GRIN2B: variants seen among roughly 807,000 people sequenced by gnomAD.
GRIN2B encodes the protein glutamate ionotropic receptor NMDA type subunit 2B.
A neutral mutation model predicts 114.5 loss-of-function variants in GRIN2B; 5 were observed. The ratio of observed to expected loss-of-function variants is 0.04; its 90% CI spans 0.02 to 0.09. The LOEUF is 0.09. Among genes scored for constraint, GRIN2B ranks in the 10% least tolerant of loss-of-function variants. GRIN2B has a pLI of 1.00. For missense variants in GRIN2B, 1,108 were observed against 1,943.5 expected, an observed-to-expected ratio of 0.57 and a Z score of 8.08; for synonymous variants, 787 against 745.1, an observed-to-expected ratio of 1.06 and a Z score of -0.92.
intron 5 of GRIN2B, among the ~76,000 whole-genome samples, chr12:13,663,242 C>A (rs961225074): frequency 1.3e-5 from 2 of 152,190 alleles, no homozygotes; most frequent in Non-Finnish European, 2.9e-5. Flanking sequence ...TGACTATGGG[C>A]ATGTCTTTTG....
rs796607856 is a variant in GRIN2B, at chr12:13,547,959, G to GTGTGTGTATATATA, written c.*14823_*14824insTATATATACACACA. ...TATGTATGTATGTATGTATGTGTGT[G>GTGTGTGTATATATA]TATATATATATATATATATATATTT... On this transcript the variant is annotated 3_prime_UTR_variant, in exon 14 of 14. Coordinates refer to ENST00000609686, the MANE Select transcript of GRIN2B (RefSeq NM_000834.5). The GTGTGTGTATATATA allele has an allele frequency of 1.1e-5, 1 of 91,474 alleles. No homozygotes were observed. Among genetic ancestry groups the GTGTGTGTATATATA allele is most frequent in the East Asian group, 3.7e-4 (1 of 2,722 alleles). The allele number at this position is 91,474 out of a possible 1,614,324, so 5.7% of individuals were successfully genotyped here. A position where few individuals can be genotyped will look rare whatever the true frequency, so the allele number is the denominator to read the frequency against.
rs543301255 is a variant in GRIN2B, at chr12:13,617,333, G to T, written c.1126-676C>A. Reference sequence around the variant, plus strand: ...CCTCCTGGGCTGGGTGGAAGCCCTGGGATGAATCAGATATGTCTCTCTGTG... The same window carrying T: ...CCTCCTGGGCTGGGTGGAAGCCCTGTGATGAATCAGATATGTCTCTCTGTG... On this transcript the variant is annotated intron_variant, in intron 5 of 13. Transcript: ENST00000609686. Among the ~76,000 whole-genome samples the T allele has an allele frequency of 3.3e-5, 5 of 152,312 alleles. No individual in the cohort carries two copies. In the East Asian group the frequency reaches 9.6e-4, roughly 29 times the overall value.
At chr12:13,775,853 T>C (rs2136650404) in intron 3 of GRIN2B, among the ~76,000 whole-genome samples, 1 of 152,320 alleles carries the variant, frequency 6.6e-6, no homozygotes, top group South Asian at 2.1e-4. Context: ...ACAAAAATAG[T>C]CTTCCCCAGT....
chr12:13,859,521 A>G (rs1248376401), intron 3 of GRIN2B, among the ~76,000 whole-genome samples: 1 of 152,236 alleles, frequency 6.6e-6, no homozygotes, highest in Non-Finnish European at 1.5e-5. Context: ...CTTAGAGAGC[A>G]CTGCCTACCC....
rs1237639167 is a variant in GRIN2B, at chr12:13,547,398, C to A, written c.*15385G>T. 2 of 152,104 alleles carry A rather than the reference C, an allele frequency of 1.3e-5. No homozygotes were observed. Among genetic ancestry groups the A allele is most frequent in the Non-Finnish European group, 2.9e-5 (2 of 68,010 alleles). The allele number at this position is 152,104 out of a possible 1,614,324, so 9.4% of individuals were successfully genotyped here. A position where few individuals can be genotyped will look rare whatever the true frequency, so the allele number is the denominator to read the frequency against. On this transcript the variant is annotated 3_prime_UTR_variant, in exon 14 of 14. Coordinates refer to ENST00000609686, the MANE Select transcript of GRIN2B (RefSeq NM_000834.5). ...CCACCCAGAAGAGGAAAGGGGTGAT[C>A]ATGTGTCTCAAAGAAGAGATAACTT...
intron 3 of GRIN2B, among the ~76,000 whole-genome samples, chr12:13,785,176 T>C (rs1458833576): frequency 6.6e-6 from 1 of 152,228 alleles, no homozygotes; most frequent in Non-Finnish European, 1.5e-5. Context: ...CTGTTCCCAC[T>C]ACTTGCTACT....
At chr12:13,791,282 T>G (rs576888458) in intron 3 of GRIN2B, among the ~76,000 whole-genome samples, 15 of 151,950 alleles carry the variant, frequency 9.9e-5, no homozygotes, top group Admixed American at 7.2e-4. Flanking sequence ...AAACCCCGTC[T>G]CTACTAAAAA....
At chr12:13,950,051 C>T (rs905746125) in intron 2 of GRIN2B, among the ~76,000 whole-genome samples, 1 of 151,932 alleles carries the variant, frequency 6.6e-6, no homozygotes, top group East Asian at 1.9e-4. Flanking sequence ...TAAGAGACAA[C>T]CAGAGGAAAA....
chr12:13,812,026 G>A (rs1434995399), intron 3 of GRIN2B, among the ~76,000 whole-genome samples: 1 of 152,118 alleles, frequency 6.6e-6, no homozygotes, highest in Non-Finnish European at 1.5e-5. Context: ...AAAGGTCTCC[G>A]TGACTCGTGG....
At chr12:13,924,656 C>T (rs1242950519) in intron 2 of GRIN2B, among the ~76,000 whole-genome samples, 2 of 152,130 alleles carry the variant, frequency 1.3e-5, no homozygotes, top group Non-Finnish European at 2.9e-5. Context: ...TCATCACGGT[C>T]AAAGCAGAGT....
intron 4 of GRIN2B, among the ~76,000 whole-genome samples, chr12:13,691,200 A>G (rs1304059466): frequency 6.6e-6 from 1 of 152,172 alleles, no homozygotes; most frequent in East Asian, 1.9e-4. Flanking sequence ...TCACACTAAG[A>G]TCTTCTCTAC....
chr12:13,830,296 G>A (rs1165695243), intron 3 of GRIN2B, among the ~76,000 whole-genome samples: 1 of 152,152 alleles, frequency 6.6e-6, no homozygotes, highest in Non-Finnish European at 1.5e-5. Flanking sequence ...TTTCAGCTAA[G>A]AAAACTATCA....
intron 2 of GRIN2B, among the ~76,000 whole-genome samples, chr12:13,876,711 G>A (rs988423369): frequency 9.9e-5 from 15 of 152,188 alleles, no homozygotes; most frequent in Admixed American, 9.8e-4. Flanking sequence ...AAGAGTACTG[G>A]AAAGGAGTAT....
intron 2 of GRIN2B, among the ~76,000 whole-genome samples, chr12:13,949,713 G>A (rs893647007): frequency 2.6e-5 from 4 of 152,084 alleles, no homozygotes; most frequent in Admixed American, 6.6e-5. Flanking sequence ...CACAAACCAC[G>A]ATGCCAAGAA....
At chr12:13,804,213 C>T (rs1864563889) in intron 3 of GRIN2B, among the ~76,000 whole-genome samples, 1 of 138,926 alleles carries the variant, frequency 7.2e-6, no homozygotes, top group South Asian at 2.3e-4. Context: ...TTTAAATGCT[C>T]ATTTAATCCT....
chr12:13,621,618 T>TG (rs1415886479), intron 5 of GRIN2B, among the ~76,000 whole-genome samples: 4 of 141,814 alleles, frequency 2.8e-5, no homozygotes, highest in African/African-American at 1.1e-4. Flanking sequence ...TTTTTGTTTT[T>TG]TTTTTTTTTT....
Position 13,552,618 on chromosome 12 carries a change from A to G in GRIN2B, c.*10165T>C, listed in dbSNP as rs1220359728. On this transcript the variant is annotated 3_prime_UTR_variant, in exon 14 of 14. Transcript: ENST00000609686. The stretch of plus-strand genomic sequence containing the variant: ...CCTTCATGAGGATGGCTGTCTTCCT[A>G]CCCTCCCACCAGCTGTTTACCAGAT... 6.6e-6 allele frequency: 1 copy of G among 151,854 alleles called. No homozygotes were observed. Among genetic ancestry groups the G allele is most frequent in the African/African-American group, 2.4e-5 (1 of 41,332 alleles). The allele number at this position is 151,854 out of a possible 1,614,324, so 9.4% of individuals were successfully genotyped here. A position where few individuals can be genotyped will look rare whatever the true frequency, so the allele number is the denominator to read the frequency against.
intron 5 of GRIN2B, among the ~76,000 whole-genome samples, chr12:13,646,451 G>A (rs2136512320): frequency 6.6e-6 from 1 of 152,156 alleles, no homozygotes; most frequent in East Asian, 1.9e-4. Context: ...CACCCAAAGG[G>A]GACCACACTG....
At chr12:13,876,697 C>T (rs1490257452) in intron 2 of GRIN2B, among the ~76,000 whole-genome samples, 1 of 152,182 alleles carries the variant, frequency 6.6e-6, no homozygotes, top group East Asian at 1.9e-4. Flanking sequence ...TATCTTCAAT[C>T]ACAAAGAGTA....
Sources: gnomAD v4.1 joint callset for allele counts (sites outside exome capture counted in the v4.1 genomes callset) on GRCh38, gnomAD v4.1.1 for gene constraint, MANE v1.5 for transcripts, NCBI Gene and HGNC (gene_info 2026-07-23, HGNC 2026-07-21) for gene names.